The following SLC4A10 variants were observed in gnomAD, a reference collection of about 807,000 sequenced individuals.
SLC4A10 encodes the protein solute carrier family 4 member 10.
In SLC4A10, 42 loss-of-function variants were observed where a neutral mutation model predicts 137.7. That is an observed-to-expected ratio of 0.30 (90% confidence interval 0.24 to 0.39). SLC4A10 has a LOEUF of 0.39. SLC4A10 is among the 10% of genes least tolerant of loss of function. The pLI is 1.00. For synonymous variants in SLC4A10, 474 were observed against 464.1 expected, an observed-to-expected ratio of 1.02 and a Z score of -0.27; for missense variants, 925 against 1,355.0, an observed-to-expected ratio of 0.68 and a Z score of 4.98.
At chr2:161,775,485 T>C (rs757701753) in intron 2 of SLC4A10, among the ~76,000 whole-genome samples, 1 of 151,918 alleles carries the variant, frequency 6.6e-6, no homozygotes, top group Admixed American at 6.6e-5. Flanking sequence ...TTTCACTATA[T>C]TAACCCATTG....
At chr2:161,881,977 G>T (rs961777456) in intron 9 of SLC4A10, among the ~76,000 whole-genome samples, 11 of 151,732 alleles carry the variant, frequency 7.2e-5, no homozygotes, top group African/African-American at 2.7e-4. Context: ...TCGCCATTTT[G>T]CATACAAGTG....
chr2:161,640,475 A>G (rs1459171120), intron 1 of SLC4A10, among the ~76,000 whole-genome samples: 1 of 152,188 alleles, frequency 6.6e-6, no homozygotes, highest in Admixed American at 6.6e-5. Flanking sequence ...AGAAGCCTCA[A>G]TGGTATTTAA....
chr2:161,820,018 G>T (rs915474869), intron 3 of SLC4A10, among the ~76,000 whole-genome samples: 4 of 152,114 alleles, frequency 2.6e-5, no homozygotes, highest in Non-Finnish European at 5.9e-5. Flanking sequence ...ATAGGATTAT[G>T]CCAATTACAA....
chr2:161,967,109 C>A (rs1697740482), intron 23 of SLC4A10, among the ~76,000 whole-genome samples: 1 of 152,082 alleles, frequency 6.6e-6, no homozygotes, highest in Non-Finnish European at 1.5e-5. Flanking sequence ...AAAAAAATTC[C>A]CTGGCCAGGG....
In SLC4A10 at chr2:161,849,385, C is replaced by G. The variant is rs568993204; in HGVS notation, c.417-5585C>G. On this transcript the variant is annotated intron_variant, in intron 4 of 26. Coordinates refer to ENST00000446997, the MANE Select transcript of SLC4A10 (RefSeq NM_001178015.2). ...ACTTCCTCTTTCTCTATCTGGATGGCTTTTATTTTTTATTCTTTTCTGCTT... is the reference window on the plus strand; with the variant it reads ...ACTTCCTCTTTCTCTATCTGGATGGGTTTTATTTTTTATTCTTTTCTGCTT... Among the ~76,000 whole-genome samples the G allele has an allele frequency of 8.5e-5, 13 of 152,146 alleles. No individual in the cohort carries two copies. The South Asian group carries it at 2.5e-3, about 29-fold the overall frequency.
At chr2:161,925,264 G>C (rs958512513) in intron 15 of SLC4A10, among the ~76,000 whole-genome samples, 2 of 152,072 alleles carry the variant, frequency 1.3e-5, no homozygotes, top group African/African-American at 4.8e-5. Flanking sequence ...CTTCTTCCTG[G>C]TTTAGTCTTG....
chr2:161,798,059 T>C (rs1322672444), intron 2 of SLC4A10, among the ~76,000 whole-genome samples: 1 of 151,996 alleles, frequency 6.6e-6, no homozygotes, highest in Non-Finnish European at 1.5e-5. Context: ...AATACCTCTT[T>C]GCTATAAACA....
Position 161,703,365 on chromosome 2 carries a change from A to G in SLC4A10, c.49-67608A>G, listed in dbSNP as rs898957650. Among the ~76,000 whole-genome samples, 46 of 151,696 alleles carry G rather than the reference A, an allele frequency of 3.0e-4. 1 individual carries two copies. Among genetic ancestry groups the G allele is most frequent in the Admixed American group, 3.0e-3 (46 of 15,170 alleles). On this transcript the variant is annotated intron_variant, in intron 1 of 26. Transcript: ENST00000446997. ...ATTAAACATTATGTTATAGAAAAAT[A>G]CTTATTGATGTAAGGAAATGTTAAT...
intron 1 of SLC4A10, among the ~76,000 whole-genome samples, chr2:161,656,825 A>G (rs968690121): frequency 1.3e-5 from 2 of 152,248 alleles, no homozygotes; most frequent in South Asian, 2.1e-4. Flanking sequence ...TGTGAAATGC[A>G]TATATGTTCT....
chr2:161,976,663 A>G, intron 24 of SLC4A10, 97 bp from the exon 25 acceptor site: 1 of 539,710 alleles, frequency 1.9e-6, no homozygotes, highest in Non-Finnish European at 3.2e-6. Context: ...AATATTCTTC[A>G]TAGATATATG....
chr2:161,805,991 A>G (rs1429277527), intron 3 of SLC4A10, among the ~76,000 whole-genome samples: 1 of 152,204 alleles, frequency 6.6e-6, no homozygotes, highest in Non-Finnish European at 1.5e-5. Context: ...CTGCCTGGGC[A>G]TCCAGGCATT....
intron 1 of SLC4A10, among the ~76,000 whole-genome samples, chr2:161,739,777 A>G (rs58622044): frequency 0.08 from 12,188 of 152,212 alleles, 625 homozygotes; most frequent in East Asian, 0.14. Flanking sequence ...TGCAAAAGGA[A>G]CATACTTGGA....
At chr2:161,739,961 G>T (rs912909626) in intron 1 of SLC4A10, among the ~76,000 whole-genome samples, 1 of 152,070 alleles carries the variant, frequency 6.6e-6, no homozygotes, top group South Asian at 2.1e-4. Flanking sequence ...CCTTATATGG[G>T]CATCCCTTCA....
chr2:161,815,452 C>A (rs776889095), intron 3 of SLC4A10, among the ~76,000 whole-genome samples: 1 of 152,158 alleles, frequency 6.6e-6, no homozygotes, highest in African/African-American at 2.4e-5. Context: ...GAGGCCTCTC[C>A]AGGCATATGG....
intron 8 of SLC4A10, among the ~76,000 whole-genome samples, chr2:161,875,941 A>C (rs982670400): frequency 6.6e-6 from 1 of 152,188 alleles, no homozygotes; most frequent in Non-Finnish European, 1.5e-5. Context: ...CTGAAGGCTT[A>C]AATTTTCTCC....
At chr2:161,811,610 G>A (rs7595720) in intron 3 of SLC4A10, among the ~76,000 whole-genome samples, 80 of 151,708 alleles carry the variant, frequency 5.3e-4, no homozygotes, top group African/African-American at 1.5e-3. Context: ...AACTTTCTTC[G>A]CCTTCTTCAT....
intron 15 of SLC4A10, among the ~76,000 whole-genome samples, chr2:161,909,856 G>A (rs1448735223): frequency 5.3e-5 from 8 of 152,138 alleles, no homozygotes; most frequent in Admixed American, 1.3e-4. Flanking sequence ...TTCTCATGAA[G>A]TCCAGATGAC....
chr2:161,930,340 C>A (rs1463722601), intron 15 of SLC4A10, among the ~76,000 whole-genome samples: 1 of 150,594 alleles, frequency 6.6e-6, no homozygotes, highest in Non-Finnish European at 1.5e-5. Flanking sequence ...GAGTGATTTG[C>A]AGATTTAATG....
intron 1 of SLC4A10, among the ~76,000 whole-genome samples, chr2:161,625,552 T>C (rs1048283004): frequency 2.0e-5 from 3 of 152,116 alleles, no homozygotes; most frequent in African/African-American, 7.2e-5. Context: ...TCCCTGTTAC[T>C]AAGGTTGGTG....
Sources: gnomAD v4.1 joint callset for allele counts (sites outside exome capture counted in the v4.1 genomes callset) on GRCh38, gnomAD v4.1.1 for gene constraint, MANE v1.5 for transcripts, NCBI Gene and HGNC (gene_info 2026-07-23, HGNC 2026-07-21) for gene names.